The following CUX2 variants were observed in gnomAD, a reference collection of about 807,000 sequenced individuals.
CUX2 encodes the protein homeobox protein cut-like 2.
A neutral mutation model predicts 144.8 loss-of-function variants in CUX2; 40 were observed. That is an observed-to-expected ratio of 0.28 (90% CI 0.21 to 0.36). The LOEUF (loss-of-function observed/expected upper bound fraction) is 0.36, where lower values mean the gene tolerates loss of function less well. Among genes scored for constraint, CUX2 ranks in the 10% least tolerant of loss-of-function variants. The pLI is 1.00. For missense variants in CUX2, 1,615 were observed against 1,994.0 expected (o/e 0.81, Z 3.62); for synonymous variants, 827 against 875.6 (o/e 0.94, Z 0.98).
At chr12:111,047,145 C>T (rs890041714) in intron 1 of CUX2, among the ~76,000 whole-genome samples, 7 of 152,228 alleles carry the variant, frequency 4.6e-5, no homozygotes, top group African/African-American at 1.7e-4. Context: ...CCGCTGGGTC[C>T]CGGAGCCGCG....
chr12:111,347,351 C>T (rs745352097), intron 21 of CUX2, among the ~76,000 whole-genome samples, 173 bp from the exon 22 acceptor site: 7 of 152,190 alleles, frequency 4.6e-5, no homozygotes, highest in Non-Finnish European at 7.4e-5. Context: ...ATAATAATAG[C>T]GCCCACCTTG....
intron 1 of CUX2, among the ~76,000 whole-genome samples, chr12:111,182,719 G>A (rs1879265399): frequency 6.6e-6 from 1 of 152,180 alleles, no homozygotes. Context: ...AGCGGGTCCT[G>A]CAGAAATTGG....
chr12:111,204,512 G>T (rs539215018), intron 1 of CUX2, among the ~76,000 whole-genome samples: 1 of 152,216 alleles, frequency 6.6e-6, no homozygotes, highest in Non-Finnish European at 1.5e-5. Context: ...GGCAGACCTT[G>T]TAGAGACAGT....
At chr12:111,292,520 G>A (rs146133020) in intron 5 of CUX2, among the ~76,000 whole-genome samples, 1 of 152,318 alleles carries the variant, frequency 6.6e-6, no homozygotes, top group African/African-American at 2.4e-5. Context: ...AACCTGGGAG[G>A]TGGAGGTTGC....
rs755479468 is a variant in CUX2, at chr12:111,306,984, A to G, written c.922A>G (p.Arg308Gly). 3 of 1,613,650 alleles carry G rather than the reference A, an allele frequency of 1.9e-6. No individual in the cohort carries two copies. Among genetic ancestry groups the G allele is most frequent in the African/African-American group, 1.3e-5 (1 of 74,918 alleles). The change falls in exon 11 of 22, where the codon AGG (arginine) becomes GGG (glycine). Residue 308 changes from arginine to glycine, a missense_variant. Around this residue, in one of 12 missense-constraint regions of CUX2, gnomAD observed 295 missense variants for 400.2 expected, o/e 0.74. Coordinates refer to ENST00000261726, the MANE Select transcript of CUX2 (RefSeq NM_015267.4). ...RLEAALASKD[R>G]EILRLLKDVQ... ...GGAGGCCGCGCTGGCCTCCAAGGACAGGGAGATCCTGCGGCTGCTGAAGGA... is the reference window on the plus strand; with the variant it reads ...GGAGGCCGCGCTGGCCTCCAAGGACGGGGAGATCCTGCGGCTGCTGAAGGA...
At chr12:111,164,169 C>G (rs960584518) in intron 1 of CUX2, among the ~76,000 whole-genome samples, 1 of 152,086 alleles carries the variant, frequency 6.6e-6, no homozygotes, top group African/African-American at 2.4e-5. Context: ...TGGGGGTTTT[C>G]CTGCAAAATG....
Position 111,127,819 on chromosome 12 carries a change from C to A in CUX2, c.64-86381C>A, listed in dbSNP as rs568257416. On this transcript the variant is annotated intron_variant, in intron 1 of 21. Transcript: ENST00000261726. ...ATCATGGCAGAAGGCGAAGGGGGAG[C>A]AAATGCACGTCTTACATGGTGGCAG... 2.0e-5 allele frequency among the ~76,000 whole-genome samples: 3 copies of A among 152,290 alleles called. No homozygotes were observed. In the South Asian group the frequency reaches 6.2e-4, roughly 32 times the overall value.
intron 1 of CUX2, among the ~76,000 whole-genome samples, chr12:111,070,947 T>G (rs1871233670): frequency 6.6e-6 from 1 of 152,200 alleles, no homozygotes; most frequent in Non-Finnish European, 1.5e-5. Flanking sequence ...TTAGCTCATC[T>G]TTTTTTAGTG....
At chr12:111,185,214 CTT>C (rs1879454698) in intron 1 of CUX2, among the ~76,000 whole-genome samples, 1 of 152,206 alleles carries the variant, frequency 6.6e-6, no homozygotes, top group Non-Finnish European at 1.5e-5. Context: ...AGGAAGAAGA[CTT>C]TGATGTTGAA....
chr12:111,037,359 A>ACCAGCCCGGTGT lies in CUX2; in HGVS notation c.63+3127_63+3138dup, dbSNP rs1428404487. Among the ~76,000 whole-genome samples the ACCAGCCCGGTGT allele has an allele frequency of 1.3e-5, 2 of 152,370 alleles. No individual in the cohort carries two copies. The highest frequency in any genetic ancestry group is 2.9e-5 in the Non-Finnish European group (2 of 68,034). ...ATCCTGGCAAGAAAGGTGACCTTGT[A>ACCAGCCCGGTGT]CCAGCCCGGTGTCCAGCCCTCCGGA... is the stretch of plus-strand genomic sequence containing the variant. On this transcript the variant is annotated intron_variant, in intron 1 of 21. Transcript: ENST00000261726. The surrounding 1 kb of genome is among the most constrained non-coding windows in gnomAD (Gnocchi z 5.4).
chr12:111,323,877 C>T (rs949613630), intron 18 of CUX2, among the ~76,000 whole-genome samples: 1 of 151,954 alleles, frequency 6.6e-6, no homozygotes, highest in Non-Finnish European at 1.5e-5. Context: ...GGCAACATGG[C>T]GAAACCTCAT....
intron 1 of CUX2, among the ~76,000 whole-genome samples, chr12:111,078,660 A>G (rs573181979): frequency 5.1e-4 from 77 of 152,230 alleles, no homozygotes; most frequent in African/African-American, 1.9e-3. Context: ...ACCGAGAAAG[A>G]TCCTGTCTCT....
chr12:111,241,939 T>C (rs577890379), intron 3 of CUX2, among the ~76,000 whole-genome samples: 116 of 152,392 alleles, frequency 7.6e-4, no homozygotes, highest in Non-Finnish European at 1.2e-3. Flanking sequence ...ATGTACAAGA[T>C]GGGCTGATAG....
intron 1 of CUX2, among the ~76,000 whole-genome samples, chr12:111,204,511 T>A (rs910806947): frequency 1.3e-5 from 2 of 152,172 alleles, no homozygotes; most frequent in African/African-American, 2.4e-5. Context: ...CGGCAGACCT[T>A]GTAGAGACAG....
intron 4 of CUX2, among the ~76,000 whole-genome samples, chr12:111,273,421 C>T (rs1884719037): frequency 6.6e-6 from 1 of 152,126 alleles, no homozygotes; most frequent in Non-Finnish European, 1.5e-5. Flanking sequence ...AGAGAAGTGA[C>T]GGAGCCTGAA....
At chr12:111,064,310 G>A (rs927245221) in intron 1 of CUX2, among the ~76,000 whole-genome samples, 4 of 152,168 alleles carry the variant, frequency 2.6e-5, no homozygotes, top group African/African-American at 9.7e-5. Context: ...GGGATTTCAG[G>A]CAAGTTACCT....
At chr12:111,158,539 C>T (rs1480972454) in intron 1 of CUX2, among the ~76,000 whole-genome samples, 1 of 148,814 alleles carries the variant, frequency 6.7e-6, no homozygotes, top group Non-Finnish European at 1.5e-5. Context: ...TGTGAGTGGG[C>T]AGTGCAAAGA....
At chr12:111,138,955 T>C (rs1254659299) in intron 1 of CUX2, among the ~76,000 whole-genome samples, 1 of 151,582 alleles carries the variant, frequency 6.6e-6, no homozygotes, top group Non-Finnish European at 1.5e-5. Context: ...CTTCCCTTAC[T>C]CCTGCCAGCT....
At chr12:111,239,988 C>T (rs889313076) in intron 3 of CUX2, among the ~76,000 whole-genome samples, 1 of 152,202 alleles carries the variant, frequency 6.6e-6, no homozygotes, top group Non-Finnish European at 1.5e-5. Flanking sequence ...AAAATGCGGC[C>T]AAGTGAGCTT....
Sources: allele counts gnomAD v4.1 joint callset (sites outside exome capture counted in the v4.1 genomes callset), GRCh38; gene constraint gnomAD v4.1.1; regional missense constraint gnomAD v4.1.1; non-coding constraint Gnocchi (gnomAD v3.1); transcripts MANE v1.5; gene names NCBI Gene and HGNC (gene_info 2026-07-23, HGNC 2026-07-21).